The following CCSER1 variants were observed in gnomAD, a reference collection of about 807,000 sequenced individuals.
The protein encoded by CCSER1 is coiled-coil serine rich protein 1.
Under a neutral mutation model 82.0 loss-of-function variants are expected in CCSER1, and 41 were observed. The observed-to-expected ratio is 0.50, with a 90% CI of 0.39 to 0.65. The LOEUF is 0.65. Ranked by LOEUF, CCSER1 falls within the 30% of genes least tolerant of loss-of-function variation. CCSER1 has a pLI of 0.00. For missense variants in CCSER1, 1,119 were observed against 1,064.2 expected, an observed-to-expected ratio of 1.05 and a Z score of -0.72; for synonymous variants, 414 against 383.9, an observed-to-expected ratio of 1.08 and a Z score of -0.92.
chr4:90,193,193 G>T (rs1735968830), intron 1 of CCSER1, among the ~76,000 whole-genome samples: 1 of 152,104 alleles, frequency 6.6e-6, no homozygotes, highest in African/African-American at 2.4e-5. Context: ...CTGATTCTAA[G>T]AGTCATGTAT....
intron 10 of CCSER1, among the ~76,000 whole-genome samples, chr4:91,197,450 A>G (rs1735532703): frequency 6.6e-6 from 1 of 152,196 alleles, no homozygotes; most frequent in Non-Finnish European, 1.5e-5. Context: ...GTGGAGCCGC[A>G]TGTGACTGTT....
chr4:90,815,546 G>GTGTGTA (rs886273466), intron 7 of CCSER1, among the ~76,000 whole-genome samples: 1 of 151,182 alleles, frequency 6.6e-6, no homozygotes, highest in African/African-American at 2.5e-5. Flanking sequence ...GTGTGTGTGT[G>GTGTGTA]TCTACATGAT....
intron 4 of CCSER1, among the ~76,000 whole-genome samples, chr4:90,452,380 T>A (rs990496039): frequency 6.6e-6 from 1 of 152,200 alleles, no homozygotes; most frequent in Non-Finnish European, 1.5e-5. Context: ...TAGGTGGTTG[T>A]CTGTTAGCCA....
At position 91,319,689 on chromosome 4, in the gene CCSER1, T is replaced by G. The variant is rs757207835; in HGVS notation, c.2217+233695T>G. The G allele has an allele frequency of 6.1e-5, 28 of 455,774 alleles. No homozygotes were observed. The Middle Eastern group carries it at 1.3e-3, about 21-fold the overall frequency. 28.2% of individuals were successfully genotyped at this position (455,774 alleles called of 1,614,324 possible). A position where few individuals can be genotyped will look rare whatever the true frequency, so the allele number is the denominator to read the frequency against. ...GTGATTCTCCCTTCTCCACTTAGTC[T>G]TCTGATTTCCCTGTGTGTCCCTCAG... On this transcript the variant is annotated intron_variant, in intron 10 of 10. Coordinates refer to ENST00000509176, the MANE Select transcript of CCSER1 (RefSeq NM_001145065.2).
chr4:91,523,836 A>T (rs1030449397), intron 10 of CCSER1, among the ~76,000 whole-genome samples: 32 of 152,168 alleles, frequency 2.1e-4, no homozygotes, highest in African/African-American at 7.5e-4. Flanking sequence ...TCCTGGTTTC[A>T]TTGATTTTTG....
chr4:91,433,754 T>C (rs150691667), intron 10 of CCSER1, among the ~76,000 whole-genome samples: 2 of 152,300 alleles, frequency 1.3e-5, no homozygotes, highest in African/African-American at 2.4e-5. Context: ...AACAATGAAA[T>C]CACCTAACCA....
At chr4:90,672,123 C>T (rs1398379254) in intron 6 of CCSER1, among the ~76,000 whole-genome samples, 1 of 151,948 alleles carries the variant, frequency 6.6e-6, no homozygotes, top group Non-Finnish European at 1.5e-5. Context: ...GACCCTAGAA[C>T]TTTAAGAAGG....
At chr4:90,540,863 G>T (rs1373826344) in intron 5 of CCSER1, among the ~76,000 whole-genome samples, 1 of 152,068 alleles carries the variant, frequency 6.6e-6, no homozygotes, top group African/African-American at 2.4e-5. Context: ...GATGCATAGT[G>T]CATAGCACAG....
At chr4:90,537,092 C>T (rs1350980848) in intron 5 of CCSER1, among the ~76,000 whole-genome samples, 1 of 152,112 alleles carries the variant, frequency 6.6e-6, no homozygotes, top group Non-Finnish European at 1.5e-5. Flanking sequence ...GGATATGTTT[C>T]AGAGTAATTT....
intron 5 of CCSER1, among the ~76,000 whole-genome samples, chr4:90,540,671 T>G (rs1017862092): frequency 6.6e-6 from 1 of 152,082 alleles, no homozygotes; most frequent in African/African-American, 2.4e-5. Flanking sequence ...AATCTAGGTG[T>G]GAGGTTACAG....
intron 8 of CCSER1, among the ~76,000 whole-genome samples, chr4:90,895,560 C>T (rs1402360900): frequency 6.6e-6 from 1 of 151,860 alleles, no homozygotes; most frequent in Non-Finnish European, 1.5e-5. Context: ...AGGAATCAAA[C>T]TAGTTTTACT....
intron 9 of CCSER1, among the ~76,000 whole-genome samples, chr4:91,030,398 G>A (rs1013227598): frequency 6.6e-6 from 1 of 152,038 alleles, no homozygotes; most frequent in African/African-American, 2.4e-5. Flanking sequence ...TTGTGACTAA[G>A]GGATTGCATT....
chr4:90,332,296 G>T (rs557728577), intron 3 of CCSER1, among the ~76,000 whole-genome samples: 2 of 151,864 alleles, frequency 1.3e-5, no homozygotes, highest in African/African-American at 4.8e-5. Context: ...GAGTGCAGTG[G>T]CTTGATTTTG....
chr4:91,104,065 C>T lies in CCSER1; in HGVS notation c.2217+18071C>T, dbSNP rs55845444. On this transcript the variant is annotated intron_variant, in intron 10 of 10. Transcript: ENST00000509176. The stretch of plus-strand genomic sequence containing the variant: ...GATAAGGACTGAGATAAGCCCTGGT[C>T]TCCTGCAGTACCCTTAGGCTTACTA... Among the ~76,000 whole-genome samples, 700 of 152,210 alleles carry T rather than the reference C, an allele frequency of 4.6e-3. 8 individuals carry two copies. The highest frequency in any genetic ancestry group is 0.016 in the African/African-American group (654 of 41,514).
chr4:90,829,127 G>T lies in CCSER1; in HGVS notation c.2094+13282G>T, dbSNP rs564456827. The stretch of plus-strand genomic sequence containing the variant: ...GAAATTATAGAAGTAAAAAGATAGG[G>T]TAAAGTTAAAATTGATTCTAATCTA... On this transcript the variant is annotated intron_variant, in intron 8 of 10. Coordinates refer to ENST00000509176, the MANE Select transcript of CCSER1 (RefSeq NM_001145065.2). Among the ~76,000 whole-genome samples the T allele has an allele frequency of 1.0e-3, 158 of 152,052 alleles. 1 individual carries two copies. Among genetic ancestry groups the T allele is most frequent in the Non-Finnish European group, 2.0e-3 (133 of 67,998 alleles).
chr4:90,800,922 G>A (rs11944234), intron 7 of CCSER1, among the ~76,000 whole-genome samples: 51,735 of 151,898 alleles, frequency 0.34, 9,018 homozygotes, highest in East Asian at 0.42. Context: ...AATAAGGAAA[G>A]ACTTGAGTAG....
intron 10 of CCSER1, among the ~76,000 whole-genome samples, chr4:91,462,221 A>T (rs1451063089): frequency 6.6e-6 from 1 of 152,222 alleles, no homozygotes; most frequent in Non-Finnish European, 1.5e-5. Context: ...TTCAACTGAA[A>T]TAATTTCCTC....
At position 90,590,203 on chromosome 4, in the gene CCSER1, G is replaced by A. The variant is rs368228868; in HGVS notation, c.1725-37822G>A. ...GCAAGAGAGTTGCTTGAAACCAGGAGAAAGAGGTTGCACTGGGCCAAGATC... is the reference window on the plus strand; with the variant it reads ...GCAAGAGAGTTGCTTGAAACCAGGAAAAAGAGGTTGCACTGGGCCAAGATC... On this transcript the variant is annotated intron_variant, in intron 5 of 10. Transcript: ENST00000509176. Among the ~76,000 whole-genome samples the A allele has an allele frequency of 9.9e-5, 15 of 152,258 alleles. 1 individual carries two copies. The East Asian group carries it at 1.7e-3, about 18-fold the overall frequency.
chr4:90,690,335 A>T (rs1289812069), intron 6 of CCSER1, among the ~76,000 whole-genome samples: 2 of 152,082 alleles, frequency 1.3e-5, no homozygotes, highest in African/African-American at 4.8e-5. Context: ...GCTTGCTACC[A>T]TAAACTAAGT....
Sources: allele counts gnomAD v4.1 joint callset (sites outside exome capture counted in the v4.1 genomes callset), GRCh38; gene constraint gnomAD v4.1.1; transcripts MANE v1.5; gene names NCBI Gene and HGNC (gene_info 2026-07-23, HGNC 2026-07-21).